Variants in KCNG2 observed in about 807,000 individuals in gnomAD.
The protein encoded by KCNG2 is voltage-gated potassium channel regulatory subunit KCNG2.
Under a neutral mutation model 12.3 loss-of-function variants are expected in KCNG2, and 7 were observed. The observed-to-expected ratio is 0.57, with a 90% CI of 0.32 to 1.07. KCNG2 has a LOEUF of 1.07. Ranked by LOEUF, KCNG2 falls within the 50% of genes least tolerant of loss-of-function variation. The pLI is 0.04. For synonymous variants in KCNG2, 414 were observed against 351.4 expected, an observed-to-expected ratio of 1.18 and a Z score of -1.99; for missense variants, 703 against 726.0, an observed-to-expected ratio of 0.97 and a Z score of 0.36.
At chr18:79,836,129 A>T (rs558280499) in intron 1 of KCNG2, among the ~76,000 whole-genome samples, 37 of 152,378 alleles carry the variant, frequency 2.4e-4, no homozygotes, top group Non-Finnish European at 4.1e-4. Flanking sequence ...GCAGTCCACA[A>T]GAAAGTCACT....
chr18:79,868,854 C>T (rs527811308), intron 3 of KCNG2, among the ~76,000 whole-genome samples: 9 of 152,360 alleles, frequency 5.9e-5, no homozygotes, highest in East Asian at 5.8e-4. Context: ...GCAGTGGGAC[C>T]GTAACTCAGT....
At chr18:79,877,333 C>A (rs1379366596) in intron 3 of KCNG2, among the ~76,000 whole-genome samples, 1 of 152,112 alleles carries the variant, frequency 6.6e-6, no homozygotes, top group Non-Finnish European at 1.5e-5. Flanking sequence ...CGGCTGGCTC[C>A]CGGCTCTCAG....
intron 3 of KCNG2, among the ~76,000 whole-genome samples, chr18:79,883,910 G>A (rs1049556523): frequency 6.6e-5 from 10 of 152,090 alleles, no homozygotes; most frequent in African/African-American, 1.9e-4. Flanking sequence ...TTGCACCGGC[G>A]TCCCCACCGG....
intron 1 of KCNG2, among the ~76,000 whole-genome samples, chr18:79,844,599 G>A (rs967498371): frequency 6.6e-6 from 1 of 152,190 alleles, no homozygotes; most frequent in East Asian, 1.9e-4. Flanking sequence ...ATATTCATTA[G>A]CTTGATTGTG....
intron 1 of KCNG2, among the ~76,000 whole-genome samples, chr18:79,813,058 G>A (rs1420251477): frequency 6.6e-6 from 1 of 152,116 alleles, no homozygotes; most frequent in Non-Finnish European, 1.5e-5. Flanking sequence ...ACAAGGCTGA[G>A]GCAGGAGAAT....
Position 79,886,972 on chromosome 18 carries a change from GAGATGGGGATGGGA to G in KCNG2, c.625-12066_625-12053del, listed in dbSNP as rs1246914728. ...CAGGGACATGGGGACACAAGACAGGGAGATGGGGATGGGAACATAGGGACGTGGGGACAGGGACA... is the reference window on the plus strand; with the variant it reads ...CAGGGACATGGGGACACAAGACAGGGACATAGGGACGTGGGGACAGGGACA... On this transcript the variant is annotated intron_variant, in intron 3 of 3. Coordinates refer to ENST00000316249, the MANE Select transcript of KCNG2 (RefSeq NM_012283.2). 6.7e-4 allele frequency among the ~76,000 whole-genome samples: 14 copies of G among 20,792 alleles called. 1 individual carries two copies. The highest frequency in any genetic ancestry group is 8.8e-4 in the African/African-American group (11 of 12,488). 13.6% of individuals were successfully genotyped at this position (20,792 alleles called of 152,430 possible). A position where few individuals can be genotyped will look rare whatever the true frequency, so the allele number is the denominator to read the frequency against.
At chr18:79,870,254 T>TA (rs1490643788) in intron 3 of KCNG2, among the ~76,000 whole-genome samples, 1 of 152,214 alleles carries the variant, frequency 6.6e-6, no homozygotes, top group Non-Finnish European at 1.5e-5. Flanking sequence ...CCGTGGGCCC[T>TA]AATGGCTGCG....
intron 1 of KCNG2, among the ~76,000 whole-genome samples, chr18:79,826,081 C>T (rs1338653226): frequency 6.6e-6 from 1 of 152,262 alleles, no homozygotes; most frequent in African/African-American, 2.4e-5. Context: ...TGCCGGCCGC[C>T]CTGACCTTGG....
intron 1 of KCNG2, among the ~76,000 whole-genome samples, chr18:79,848,765 C>T (rs938156478): frequency 2.0e-5 from 3 of 152,192 alleles, no homozygotes; most frequent in Non-Finnish European, 4.4e-5. Context: ...TGTCGCCATG[C>T]CTGCCCCCGG....
Position 79,833,160 on chromosome 18 carries a change from G to A in KCNG2, c.-114-23219G>A, listed in dbSNP as rs768633517. Among the ~76,000 whole-genome samples the A allele has an allele frequency of 3.3e-5, 5 of 151,914 alleles. 1 individual carries two copies. The highest frequency in any genetic ancestry group is 6.8e-3 in the Middle Eastern group (2 of 294). ...GGGTTTTTTTTGTTTTTTTGAGATG[G>A]TGTCTCACTCTGTAACCCAGGCTGG... On this transcript the variant is annotated intron_variant, in intron 1 of 3. Coordinates refer to ENST00000316249, the MANE Select transcript of KCNG2 (RefSeq NM_012283.2).
rs758280888 is a variant in KCNG2 at position 79,899,153 on chromosome 18, C to A, written c.738C>A (p.Phe246Leu). The A allele has an allele frequency of 1.0e-5, 16 of 1,607,012 alleles. No homozygotes were observed. The highest frequency in any genetic ancestry group is 1.7e-5 in the Admixed American group (1 of 59,932). Residue 246 changes from phenylalanine (F) to leucine (L), a missense_variant, in exon 4 of 4, where the codon TTC (phenylalanine) becomes TTA (leucine). By Grantham distance (22) the Phe-to-Leu change is conservative. Coordinates refer to ENST00000316249, the MANE Select transcript of KCNG2 (RefSeq NM_012283.2). The stretch of plus-strand genomic sequence containing the variant: ...TGCAGGCCGAGAGCAAGTGCGCCTT[C>A]CTGCGCGCGCCACTCAACATCATTG... ...RSLQAESKCA[F>L]LRAPLNIIDI... is the part of the protein sequence containing the mutation.
At chr18:79,830,776 G>T (rs1181755445) in intron 1 of KCNG2, among the ~76,000 whole-genome samples, 2 of 144,274 alleles carry the variant, frequency 1.4e-5, no homozygotes, top group East Asian at 4.1e-4. Flanking sequence ...TCGTCAGGAG[G>T]GTTCCCTGCG....
intron 1 of KCNG2, among the ~76,000 whole-genome samples, chr18:79,838,482 C>G (rs914228217): frequency 6.6e-6 from 1 of 151,236 alleles, no homozygotes; most frequent in East Asian, 1.9e-4. Context: ...GCAATCATGG[C>G]TCATTGCAGC....
At chr18:79,867,262 T>C (rs1227910853) in intron 3 of KCNG2, among the ~76,000 whole-genome samples, 1 of 151,530 alleles carries the variant, frequency 6.6e-6, no homozygotes, top group Non-Finnish European at 1.5e-5. Context: ...TTAGACTTCC[T>C]GCCCCATCCG....
chr18:79,800,256 C>T lies in KCNG2; in HGVS notation c.-115+2242C>T, dbSNP rs772768714. On this transcript the variant is annotated intron_variant, in intron 1 of 3. Transcript: ENST00000316249. The surrounding 1 kb of genome is among the most constrained non-coding windows in gnomAD (Gnocchi z 4.0). ...CGAGGACACGCAGGGCATCCAGGGA[C>T]GGCCACCTGTGTCTGAGTACTGCGC... Among the ~76,000 whole-genome samples, 1 of 152,046 alleles carries T rather than the reference C, an allele frequency of 6.6e-6. No individual in the cohort carries two copies. Among genetic ancestry groups the T allele is most frequent in the African/African-American group, 2.4e-5 (1 of 41,386 alleles).
intron 1 of KCNG2, among the ~76,000 whole-genome samples, chr18:79,845,187 G>T (rs1349586190): frequency 6.6e-6 from 1 of 152,204 alleles, no homozygotes; most frequent in Non-Finnish European, 1.5e-5. Flanking sequence ...GTAGGGTGTG[G>T]TTCAACATTC....
At chr18:79,860,889 C>G (rs902126637) in intron 2 of KCNG2, among the ~76,000 whole-genome samples, 1 of 152,104 alleles carries the variant, frequency 6.6e-6, no homozygotes, top group African/African-American at 2.4e-5. Context: ...AGTCTTGTTC[C>G]TGGTCTTAGG....
Position 79,833,652 on chromosome 18 carries a change from G to A in KCNG2, c.-114-22727G>A, listed in dbSNP as rs1023887164. 5.3e-5 allele frequency among the ~76,000 whole-genome samples: 8 copies of A among 152,324 alleles called. No individual in the cohort carries two copies. The South Asian group carries it at 6.2e-4, about 12-fold the overall frequency. Reference sequence around the variant, plus strand: ...TCAAAGAACAAACCTTTGCTGCAACGTCATTTCCACGGATAAACAAGGCTA... The same window carrying A: ...TCAAAGAACAAACCTTTGCTGCAACATCATTTCCACGGATAAACAAGGCTA... On this transcript the variant is annotated intron_variant, in intron 1 of 3. Coordinates refer to ENST00000316249, the MANE Select transcript of KCNG2 (RefSeq NM_012283.2).
intron 1 of KCNG2, among the ~76,000 whole-genome samples, chr18:79,841,976 G>T (rs1281047328): frequency 6.6e-6 from 1 of 152,206 alleles, no homozygotes; most frequent in Non-Finnish European, 1.5e-5. Flanking sequence ...CAACTTCACT[G>T]TGGACCCCAA....
Sources: allele counts gnomAD v4.1 joint callset (sites outside exome capture counted in the v4.1 genomes callset), GRCh38; gene constraint gnomAD v4.1.1; non-coding constraint Gnocchi (gnomAD v3.1); transcripts MANE v1.5; gene names NCBI Gene and HGNC (gene_info 2026-07-23, HGNC 2026-07-21).